Variants in DROSHA observed in about 807,000 individuals in gnomAD.
DROSHA encodes ribonuclease 3.
Under a neutral mutation model 181.9 loss-of-function variants are expected in DROSHA, and 56 were observed. The ratio of observed to expected loss-of-function variants is 0.31; its 90% CI spans 0.25 to 0.38. The LOEUF is 0.38. Among genes scored for constraint, DROSHA ranks in the 10% least tolerant of loss-of-function variants. DROSHA has a pLI of 1.00. For synonymous variants in DROSHA, 524 were observed against 591.2 expected, an observed-to-expected ratio of 0.89 and a Z score of 1.65; for missense variants, 1,218 against 1,743.5, an observed-to-expected ratio of 0.70 and a Z score of 5.37.
At chr5:31,511,447 G>A (rs1470252507) in intron 8 of DROSHA, among the ~76,000 whole-genome samples, 1 of 152,174 alleles carries the variant, frequency 6.6e-6, no homozygotes, top group Non-Finnish European at 1.5e-5. Context: ...GCTCACGCCT[G>A]TAATCCTAGC....
chr5:31,495,549 G>A (rs1232899608), intron 11 of DROSHA, among the ~76,000 whole-genome samples, 177 bp from the exon 12 acceptor site: 8 of 152,204 alleles, frequency 5.3e-5, no homozygotes, highest in South Asian at 2.1e-4. Context: ...AAAAAGGGCT[G>A]GCCAGTCTCC....
At chr5:31,529,734 C>CAAA (rs70955715) in intron 3 of DROSHA, among the ~76,000 whole-genome samples, 1,513 of 91,276 alleles carry the variant, frequency 0.017, 26 homozygotes, top group African/African-American at 0.045. Flanking sequence ...AAAAAACAAA[C>CAAA]AAAAAAAAAA....
At chr5:31,412,395 G>A (rs1311241497) in intron 30 of DROSHA, among the ~76,000 whole-genome samples, 1 of 152,172 alleles carries the variant, frequency 6.6e-6, no homozygotes, top group Non-Finnish European at 1.5e-5. Context: ...AGTTGTGCTG[G>A]TATTCCACTC....
At chr5:31,406,731 A>T in intron 34 of DROSHA, 122 bp downstream of exon 34, 1 of 856,070 alleles carries the variant, frequency 1.2e-6, no homozygotes. Flanking sequence ...CTTTGCTACT[A>T]CTCTTGAACA....
Position 31,449,276 on chromosome 5 carries a change from C to A in DROSHA, c.2821+5G>T. The A allele has an allele frequency of 1.2e-6, 2 of 1,613,758 alleles. No homozygotes were observed. Among genetic ancestry groups the A allele is most frequent in the Non-Finnish European group, 1.7e-6 (2 of 1,179,786 alleles). On this transcript the variant is annotated splice_donor_5th_base_variant and intron_variant, in intron 22 of 35. Transcript: ENST00000344624. The stretch of plus-strand genomic sequence containing the variant: ...GATTCACATCTTAAAATCATCCAGA[C>A]ATACCTTTCTTCCGCATGTGCATGT...
intron 23 of DROSHA, 117 bp downstream of exon 23, chr5:31,448,430 T>C (rs1007347451): frequency 2.1e-5 from 18 of 851,858 alleles, no homozygotes; most frequent in South Asian, 2.1e-4. Flanking sequence ...ATGATGGCCA[T>C]GGATACACAA....
chr5:31,518,536 C>A (rs1159622662), intron 6 of DROSHA, among the ~76,000 whole-genome samples: 5 of 152,178 alleles, frequency 3.3e-5, no homozygotes, highest in African/African-American at 1.2e-4. Context: ...GTCCTTTTTA[C>A]TTAAAAGGCT....
At chr5:31,498,534 G>A (rs768937500) in intron 11 of DROSHA, among the ~76,000 whole-genome samples, 9 of 152,126 alleles carry the variant, frequency 5.9e-5, no homozygotes, top group Non-Finnish European at 8.8e-5. Context: ...CATGAGAGGT[G>A]GTGGAACAGT....
intron 11 of DROSHA, among the ~76,000 whole-genome samples, chr5:31,497,846 G>A (rs1753169029): frequency 6.6e-6 from 1 of 152,136 alleles, no homozygotes; most frequent in Non-Finnish European, 1.5e-5. Context: ...ATAAGTCTTA[G>A]TCACCAACTG....
In DROSHA at chr5:31,427,123, G is replaced by A. The variant is rs568279560; in HGVS notation, c.3216+2352C>T. ...GAGGTATCTGTGAAACACCTGTGAG[G>A]TGCCCAGAGGCAACTTGAAAAGACA... is the stretch of plus-strand genomic sequence containing the variant. On this transcript the variant is annotated intron_variant, in intron 27 of 35. Transcript: ENST00000344624. Among the ~76,000 whole-genome samples, 6 of 152,252 alleles carry A rather than the reference G, an allele frequency of 3.9e-5. No homozygotes were observed. The South Asian group carries it at 1.2e-3, about 32-fold the overall frequency.
At chr5:31,408,505 C>T (rs990820007) in intron 33 of DROSHA, among the ~76,000 whole-genome samples, 1 of 152,084 alleles carries the variant, frequency 6.6e-6, no homozygotes, top group Non-Finnish European at 1.5e-5. Flanking sequence ...CATTACTCAC[C>T]TACATTCCTT....
chr5:31,496,051 A>G (rs553096918), intron 11 of DROSHA, among the ~76,000 whole-genome samples: 1 of 152,054 alleles, frequency 6.6e-6, no homozygotes. Flanking sequence ...GTGTCTTGGC[A>G]TTTTCCAGCA....
At chr5:31,471,160 A>G (rs1277939822) in intron 17 of DROSHA, among the ~76,000 whole-genome samples, 1 of 152,212 alleles carries the variant, frequency 6.6e-6, no homozygotes, top group Non-Finnish European at 1.5e-5. Flanking sequence ...AAATAGCAAC[A>G]TTTTGTTTGT....
At chr5:31,521,252 A>T in intron 5 of DROSHA, 37 bp from the exon 6 acceptor site, 8 of 1,603,918 alleles carry the variant, frequency 5.0e-6, no homozygotes, top group Non-Finnish European at 6.8e-6. Flanking sequence ...TTTTCAACAG[A>T]AAGACTCAAA....
In DROSHA at chr5:31,405,658, G is replaced by GAA. The variant is rs534741334; in HGVS notation, c.3994+17_3994+18dup. On this transcript the variant is annotated intron_variant, in intron 35 of 35. Transcript: ENST00000344624. ...TCATTACATTATGAACATAATTATA[G>GAA]AAAAAAAAACAGGCTTACATTTTTC... 8 of 1,447,500 alleles carry GAA rather than the reference G, an allele frequency of 5.5e-6. No individual in the cohort carries two copies. Among genetic ancestry groups the GAA allele is most frequent in the Admixed American group, 4.5e-5 (2 of 44,428 alleles). The allele number at this position is 1,447,500 out of a possible 1,614,324, so 89.7% of individuals were successfully genotyped here.
In DROSHA at chr5:31,504,652, G is replaced by A; in HGVS notation, c.1588-17C>T. ...ATCATTCATCTGTCAGAAACACAAT[G>A]TAATTCGTTTTTATTGGAGGGAAAA... On this transcript the variant is annotated splice_polypyrimidine_tract_variant and intron_variant, in intron 10 of 35. Transcript: ENST00000344624. 6.2e-7 allele frequency: 1 copy of A among 1,613,530 alleles called. No individual in the cohort carries two copies. Among genetic ancestry groups the A allele is most frequent in the Non-Finnish European group, 8.5e-7 (1 of 1,179,700 alleles).
rs937247767 is a variant in DROSHA at position 31,470,006 on chromosome 5, G to A, written c.2242-1943C>T. Among the ~76,000 whole-genome samples, 12 of 152,256 alleles carry A rather than the reference G, an allele frequency of 7.9e-5. No homozygotes were observed. Among genetic ancestry groups the A allele is most frequent in the South Asian group, 4.1e-4 (2 of 4,822 alleles). ...AATGTAGTGTGGTGTCTACCTTGTC[G>A]TATGAGTAACTTGCACACTTCTCAG... On this transcript the variant is annotated intron_variant, in intron 17 of 35. Coordinates refer to ENST00000344624, the MANE Select transcript of DROSHA (RefSeq NM_001382508.1). The surrounding 1 kb of genome is among the most constrained non-coding windows in gnomAD (Gnocchi z 4.0).
chr5:31,487,006 G>A (rs1056387372), intron 13 of DROSHA, among the ~76,000 whole-genome samples: 1 of 152,146 alleles, frequency 6.6e-6, no homozygotes, highest in Non-Finnish European at 1.5e-5. Flanking sequence ...CCCAATTCAT[G>A]CTGCCCATCT....
At chr5:31,515,266 C>T (rs7730136) in intron 7 of DROSHA, 47 bp from the exon 8 acceptor site, 722,445 of 1,553,818 alleles carry the variant, frequency 0.46, 173,745 homozygotes, top group Non-Finnish European at 0.5. Context: ...TACTCTTCCA[C>T]TGTAAAAACT....
Sources: gnomAD v4.1 joint callset for allele counts (sites outside exome capture counted in the v4.1 genomes callset) on GRCh38, gnomAD v4.1.1 for gene constraint, Gnocchi (gnomAD v3.1) non-coding constraint, MANE v1.5 for transcripts, NCBI Gene and HGNC (gene_info 2026-07-23, HGNC 2026-07-21) for gene names.